CARMIL1: variants seen among roughly 807,000 people sequenced by gnomAD.
CARMIL1 encodes the protein capping protein regulator and myosin 1 linker 1, also known as F-actin-uncapping protein LRRC16A.
CARMIL1 carries 90 observed loss-of-function variants against 177.1 expected under a neutral mutation model. That is an observed-to-expected ratio of 0.51 (90% CI 0.43 to 0.61). CARMIL1 has a LOEUF of 0.61. CARMIL1 is among the 20% of genes least tolerant of loss of function. The pLI is 0.00. For missense variants in CARMIL1, 1,380 were observed against 1,667.0 expected, an observed-to-expected ratio of 0.83 and a Z score of 3.00; for synonymous variants, 577 against 606.2, an observed-to-expected ratio of 0.95 and a Z score of 0.71.
rs74414456 is a variant in CARMIL1 at position 25,323,440 on chromosome 6, A to T, written c.138+38531A>T. ...CTCTACAAAAAAAAAAAAAAAAAAA[A>T]GGCAAAAAACCCCCCAGAATTAGCC... On this transcript the variant is annotated intron_variant, in intron 2 of 36. Coordinates refer to ENST00000329474, the MANE Select transcript of CARMIL1 (RefSeq NM_017640.6). Among the ~76,000 whole-genome samples the T allele has an allele frequency of 5.0e-5, 7 of 140,904 alleles. No homozygotes were observed. The South Asian group carries it at 1.4e-3, about 28-fold the overall frequency. The allele number at this position is 140,904 out of a possible 152,430, so 92.4% of individuals were successfully genotyped here.
rs1490895094 is a variant in CARMIL1, at chr6:25,290,988, A to AT, written c.138+6087dup. On this transcript the variant is annotated intron_variant, in intron 2 of 36. Coordinates refer to ENST00000329474, the MANE Select transcript of CARMIL1 (RefSeq NM_017640.6). ...CCTAATTAAATTTTTTTATTAATTA[A>AT]TTTTTTTTAGAGACAGTCTCATTAT... Among the ~76,000 whole-genome samples the AT allele has an allele frequency of 5.3e-5, 8 of 152,030 alleles. No individual in the cohort carries two copies. In the East Asian group the frequency reaches 1.2e-3, roughly 22 times the overall value.
chr6:25,279,636 G>A lies in CARMIL1; in HGVS notation c.-160G>A. 1.5e-6 allele frequency: 1 copy of A among 662,608 alleles called. No homozygotes were observed. Among genetic ancestry groups the A allele is most frequent in the Non-Finnish European group, 2.7e-6 (1 of 368,696 alleles). 41.0% of individuals were successfully genotyped at this position (662,608 alleles called of 1,614,324 possible). Reference sequence around the variant, plus strand: ...CTTTTTTTTTTTTTTGGTGGGGCGGGGGGCGCGCGGCAAAATTCTGTCTCC... The same window carrying A: ...CTTTTTTTTTTTTTTGGTGGGGCGGAGGGCGCGCGGCAAAATTCTGTCTCC... On this transcript the variant is annotated 5_prime_UTR_variant, in exon 1 of 37. Coordinates refer to ENST00000329474, the MANE Select transcript of CARMIL1 (RefSeq NM_017640.6).
At chr6:25,341,288 T>TA (rs1447859980) in intron 2 of CARMIL1, among the ~76,000 whole-genome samples, 2 of 151,788 alleles carry the variant, frequency 1.3e-5, no homozygotes, top group African/African-American at 4.8e-5. Context: ...CCAGAGACAA[T>TA]AAAAAAAAGT....
chr6:25,291,979 G>A (rs1031914810), intron 2 of CARMIL1, among the ~76,000 whole-genome samples: 3 of 152,210 alleles, frequency 2.0e-5, no homozygotes, highest in East Asian at 3.9e-4. Context: ...GCAGCACAGT[G>A]TACCTCGTAG....
intron 2 of CARMIL1, chr6:25,287,632 G>A (rs1781620715): frequency 6.6e-6 from 1 of 152,304 alleles, no homozygotes. Context: ...CCACTACAAC[G>A]CTATGAGGTA....
At chr6:25,298,755 C>CT (rs35932044) in intron 2 of CARMIL1, among the ~76,000 whole-genome samples, 70,282 of 133,300 alleles carry the variant, frequency 0.53, 18,716 homozygotes, top group African/African-American at 0.56. Context: ...GTTATGATTG[C>CT]TTTTTTTTTT....
At chr6:25,442,123 A>G (rs1416675261) in intron 5 of CARMIL1, among the ~76,000 whole-genome samples, 1 of 151,992 alleles carries the variant, frequency 6.6e-6, no homozygotes, top group Non-Finnish European at 1.5e-5. Context: ...GCCATGTTGC[A>G]TAGGCTGAGC....
chr6:25,566,974 T>A (rs1017281453), intron 29 of CARMIL1, among the ~76,000 whole-genome samples: 9 of 152,200 alleles, frequency 5.9e-5, no homozygotes, highest in Non-Finnish European at 8.8e-5. Flanking sequence ...AGAAAGAGAT[T>A]AAAACCACCC....
At chr6:25,560,896 G>A (rs920037053) in intron 29 of CARMIL1, among the ~76,000 whole-genome samples, 2 of 152,192 alleles carry the variant, frequency 1.3e-5, no homozygotes, top group African/African-American at 4.8e-5. Context: ...TGTTGGAAAC[G>A]TGTGTCAAAT....
intron 2 of CARMIL1, among the ~76,000 whole-genome samples, chr6:25,337,671 C>G (rs1786409644): frequency 6.6e-6 from 1 of 152,160 alleles, no homozygotes; most frequent in Non-Finnish European, 1.5e-5. Flanking sequence ...AGAGGCTCCT[C>G]AAGTGGAGTG....
At chr6:25,464,510 A>G (rs1448706839) in intron 8 of CARMIL1, among the ~76,000 whole-genome samples, 1 of 152,208 alleles carries the variant, frequency 6.6e-6, no homozygotes, top group Non-Finnish European at 1.5e-5. Flanking sequence ...CTATGAGATA[A>G]TATTGATTCT....
intron 29 of CARMIL1, among the ~76,000 whole-genome samples, chr6:25,564,715 G>A (rs543730400): frequency 4.0e-4 from 61 of 152,066 alleles, no homozygotes; most frequent in African/African-American, 1.5e-3. Context: ...CTGAAGAAGT[G>A]TAGTTTGTTG....
At position 25,451,995 on chromosome 6, in the gene CARMIL1, T is replaced by TCCCC. The variant is rs748360806; in HGVS notation, c.614+1290_614+1293dup. On this transcript the variant is annotated intron_variant, in intron 8 of 36. Coordinates refer to ENST00000329474, the MANE Select transcript of CARMIL1 (RefSeq NM_017640.6). ...TCATCACTAGCATCTTGCCCCCCCC[T>TCCCC]CCCCCCCCCAGAATACTGTTTTGAA... is the stretch of plus-strand genomic sequence containing the variant. The TCCCC allele has an allele frequency of 5.2e-3, 746 of 143,926 alleles. 10 individuals carry two copies. The highest frequency in any genetic ancestry group is 7.7e-3 in the Non-Finnish European group (546 of 71,164). The allele number at this position is 143,926 out of a possible 1,614,324, so 8.9% of individuals were successfully genotyped here. A position where few individuals can be genotyped will look rare whatever the true frequency, so the allele number is the denominator to read the frequency against.
rs1814615915 is a variant in CARMIL1, at chr6:25,594,400, C to G, written c.3007-15C>G. 6.7e-7 allele frequency: 1 copy of G among 1,498,116 alleles called. No individual in the cohort carries two copies. The highest frequency in any genetic ancestry group is 9.2e-7 in the Non-Finnish European group (1 of 1,081,376). The allele number at this position is 1,498,116 out of a possible 1,614,324, so 92.8% of individuals were successfully genotyped here. A position where few individuals can be genotyped will look rare whatever the true frequency, so the allele number is the denominator to read the frequency against. ...AGGTGCATGTGAATTAACATTACAT[C>G]TGTTTGTTTTGCAGGTCTGTGCTGC... On this transcript the variant is annotated splice_polypyrimidine_tract_variant and intron_variant, in intron 31 of 36. Coordinates refer to ENST00000329474, the MANE Select transcript of CARMIL1 (RefSeq NM_017640.6).
At chr6:25,523,472 T>A (rs185221949) in intron 23 of CARMIL1, among the ~76,000 whole-genome samples, 1 of 152,314 alleles carries the variant, frequency 6.6e-6, no homozygotes, top group East Asian at 1.9e-4. Context: ...TTGCCTAAGG[T>A]GACCATGAGG....
At chr6:25,372,549 G>A (rs562606362) in intron 2 of CARMIL1, among the ~76,000 whole-genome samples, 15 of 152,220 alleles carry the variant, frequency 9.9e-5, no homozygotes, top group African/African-American at 3.6e-4. Flanking sequence ...GAATTTGATT[G>A]TTGTTGGTGT....
chr6:25,362,968 GA>G (rs1345360235), intron 2 of CARMIL1, among the ~76,000 whole-genome samples: 1 of 152,178 alleles, frequency 6.6e-6, no homozygotes, highest in Admixed American at 6.5e-5. Context: ...CTGGGAGGCG[GA>G]GGTTGCAGTG....
At chr6:25,473,753 C>T (rs573290382) in intron 11 of CARMIL1, among the ~76,000 whole-genome samples, 2 of 152,286 alleles carry the variant, frequency 1.3e-5, no homozygotes, top group African/African-American at 4.8e-5. Flanking sequence ...TTGCACAGGG[C>T]GTATACACCC....
intron 23 of CARMIL1, among the ~76,000 whole-genome samples, chr6:25,523,476 C>A (rs896977200): frequency 6.6e-6 from 1 of 151,998 alleles, no homozygotes; most frequent in Non-Finnish European, 1.5e-5. Context: ...CTAAGGTGAC[C>A]ATGAGGATCC....
Sources: gnomAD v4.1 joint callset for allele counts (sites outside exome capture counted in the v4.1 genomes callset) on GRCh38, gnomAD v4.1.1 for gene constraint, MANE v1.5 for transcripts, NCBI Gene and HGNC (gene_info 2026-07-23, HGNC 2026-07-21) for gene names.